DENND10: variants seen among roughly 807,000 people sequenced by gnomAD.
DENND10 encodes the protein DENN domain containing 10.
Under a neutral mutation model 43.6 loss-of-function variants are expected in DENND10, and 24 were observed. That is an observed-to-expected ratio of 0.55 (90% CI 0.40 to 0.77). DENND10 has a LOEUF of 0.77. Ranked by LOEUF, DENND10 falls within the 30% of genes least tolerant of loss-of-function variation. The pLI, the probability that DENND10 is intolerant of heterozygous loss-of-function variation, is 0.00. For synonymous variants in DENND10, 125 were observed against 157.6 expected, an observed-to-expected ratio of 0.79 and a Z score of 1.55; for missense variants, 303 against 429.9, an observed-to-expected ratio of 0.70 and a Z score of 2.61.
At chr10:119,109,341 CG>C (rs1421865411) in intron 2 of DENND10, among the ~76,000 whole-genome samples, 1 of 151,860 alleles carries the variant, frequency 6.6e-6, no homozygotes, top group East Asian at 1.9e-4. Flanking sequence ...AGGATGTAAT[CG>C]TGGACTTTCC....
At position 119,136,559 on chromosome 10, in the gene DENND10, T is replaced by C. The variant is rs1442955935; in HGVS notation, c.986T>C (p.Leu329Ser). The C allele has an allele frequency of 6.3e-6, 10 of 1,588,682 alleles. No homozygotes were observed. In the Middle Eastern group the frequency reaches 5.0e-4, roughly 80 times the overall value. Residue 329 changes from leucine to serine, a missense_variant, in exon 9 of 9, where the codon TTG becomes TCG. Physicochemically the swap from Leu to Ser is moderately radical, Grantham distance 145 (BLOSUM62 -2). Transcript: ENST00000361432. ...SADGEKRVLN[L>S]EALKQKRFPP... is the part of the protein sequence containing the mutation. ...GATGGAGAAAAGAGAGTCCTTAATT[T>C]GGAGGCGCTAAAGCAAAAACGATTT...
At chr10:119,128,765 C>T (rs1195211482) in intron 6 of DENND10, among the ~76,000 whole-genome samples, 2 of 152,086 alleles carry the variant, frequency 1.3e-5, no homozygotes, top group African/African-American at 4.8e-5. Flanking sequence ...GAAGCAGGCA[C>T]GTCTTACATG....
chr10:119,113,690 C>CAAA (rs11447508), intron 3 of DENND10, among the ~76,000 whole-genome samples: 14 of 141,334 alleles, frequency 9.9e-5, no homozygotes, highest in African/African-American at 1.8e-4. Context: ...CCAAAAGAAG[C>CAAA]AAAAAAAAAA....
At position 119,111,941 on chromosome 10, in the gene DENND10, A is replaced by G; in HGVS notation, c.332+13A>G. The G allele has an allele frequency of 6.4e-7, 1 of 1,559,044 alleles. No homozygotes were observed. Among genetic ancestry groups the G allele is most frequent in the Non-Finnish European group, 8.8e-7 (1 of 1,130,942 alleles). ...GGATATTGTGTAGGTCTGTATAAAA[A>G]TTGTATTAAATGCTAATATACAAAA... On this transcript the variant is annotated intron_variant, in intron 3 of 8. Coordinates refer to ENST00000361432, the MANE Select transcript of DENND10 (RefSeq NM_207009.4).
intron 5 of DENND10, among the ~76,000 whole-genome samples, chr10:119,121,870 G>T (rs1845597329): frequency 6.6e-6 from 1 of 152,174 alleles, no homozygotes. Context: ...CTGCAAGGAA[G>T]TATTTTTACC....
At chr10:119,130,634 G>C (rs1846040070) in intron 7 of DENND10, among the ~76,000 whole-genome samples, 1 of 152,198 alleles carries the variant, frequency 6.6e-6, no homozygotes, top group East Asian at 1.9e-4. Flanking sequence ...GGCGGATCAG[G>C]AATGACTTAT....
Position 119,104,133 on chromosome 10 carries a change from G to C in DENND10, c.-10G>C. 1 of 1,507,694 alleles carries C rather than the reference G, an allele frequency of 6.6e-7. No homozygotes were observed. Among genetic ancestry groups the C allele is most frequent in the Admixed American group, 2.3e-5 (1 of 43,862 alleles). 93.4% of individuals were successfully genotyped at this position (1,507,694 alleles called of 1,614,324 possible). On this transcript the variant is annotated 5_prime_UTR_variant, in exon 1 of 9. Transcript: ENST00000361432. ...GCGGCAGCCAGAGCTGCGCGCCGCG[G>C]CGGCGGAAGATGGCTGCGGCCGAGG... is the stretch of plus-strand genomic sequence containing the variant.
At chr10:119,128,665 TCA>T (rs1333034486) in intron 6 of DENND10, among the ~76,000 whole-genome samples, 1 of 151,452 alleles carries the variant, frequency 6.6e-6, no homozygotes. Flanking sequence ...TTGAATTGGC[TCA>T]CAGTTCTGCA....
chr10:119,112,186 C>G (rs1048143267), intron 3 of DENND10, among the ~76,000 whole-genome samples: 1 of 152,040 alleles, frequency 6.6e-6, no homozygotes, highest in Non-Finnish European at 1.5e-5. Flanking sequence ...GAATCACTTC[C>G]TACTTTTGAT....
intron 5 of DENND10, 35 bp downstream of exon 5, chr10:119,120,487 G>A (rs1314397219): frequency 7.5e-7 from 1 of 1,327,588 alleles, no homozygotes; most frequent in Admixed American, 1.7e-5. Flanking sequence ...TGTTAACTTT[G>A]TTGGCAGACA....
chr10:119,127,604 G>A (rs141894996), intron 6 of DENND10, among the ~76,000 whole-genome samples: 10,018 of 151,710 alleles, frequency 0.066, 472 homozygotes, highest in Non-Finnish European at 0.1. Context: ...TCAGCCTCCC[G>A]AGTAACAGGG....
At chr10:119,125,496 G>GCTTTT (rs1564795181) in intron 6 of DENND10, among the ~76,000 whole-genome samples, 2 of 116,232 alleles carry the variant, frequency 1.7e-5, no homozygotes, top group Admixed American at 9.3e-5. Flanking sequence ...TCCACTTCTA[G>GCTTTT]TTTTCTTTTT....
rs1846118534 is a variant in DENND10 at position 119,132,176 on chromosome 10, T to A, written c.803-339T>A. ...AACTGTAAAGAGCTGGACTAGAACG[T>A]CAGACTCTTGGCTTATAGTCATGAC... On this transcript the variant is annotated intron_variant, in intron 7 of 8. Coordinates refer to ENST00000361432, the MANE Select transcript of DENND10 (RefSeq NM_207009.4). The surrounding 1 kb of genome is among the most constrained non-coding windows in gnomAD (Gnocchi z 4.2). 6.6e-6 allele frequency among the ~76,000 whole-genome samples: 1 copy of A among 152,220 alleles called. No individual in the cohort carries two copies. The highest frequency in any genetic ancestry group is 2.4e-5 in the African/African-American group (1 of 41,468).
intron 7 of DENND10, among the ~76,000 whole-genome samples, chr10:119,131,847 G>C (rs1589747520): frequency 6.6e-6 from 1 of 152,198 alleles, no homozygotes; most frequent in Non-Finnish European, 1.5e-5. Flanking sequence ...GGCCACTTAA[G>C]CAGCTGAAGC....
At chr10:119,104,433 C>G (rs1290974981) in intron 1 of DENND10, among the ~76,000 whole-genome samples, 4 of 151,318 alleles carry the variant, frequency 2.6e-5, no homozygotes, top group Non-Finnish European at 4.4e-5. Flanking sequence ...CTGCCCGGCC[C>G]GAGGGAGCCC....
In DENND10 at chr10:119,137,415, G is replaced by A. The variant is rs4752252; in HGVS notation, c.*768G>A. ...AGAAGCCCATTGAATATAAAAGTGT[G>A]TAGGACTGAAACAGTGACCTTATAT... On this transcript the variant is annotated 3_prime_UTR_variant, in exon 9 of 9. Coordinates refer to ENST00000361432, the MANE Select transcript of DENND10 (RefSeq NM_207009.4). 0.55 allele frequency: 88,946 copies of A among 160,698 alleles called. 24,771 individuals are homozygous for A. Among genetic ancestry groups the A allele is most frequent in the South Asian group, 0.67 (3,048 of 4,564 alleles). 10.0% of individuals were successfully genotyped at this position (160,698 alleles called of 1,614,324 possible).
intron 8 of DENND10, chr10:119,134,878 G>C (rs879632278): frequency 1.3e-5 from 2 of 152,058 alleles, no homozygotes; most frequent in Admixed American, 6.6e-5. Context: ...TGAAAGCAGG[G>C]ACTCGGCCAG....
At chr10:119,105,294 C>CTT (rs749653382) in intron 1 of DENND10, 3 of 144,158 alleles carry the variant, frequency 2.1e-5, no homozygotes, top group Non-Finnish European at 4.6e-5. Flanking sequence ...TGTCTTTCTT[C>CTT]TTTTTTTTTT....
At chr10:119,114,290 AG>A (rs1196352942) in intron 3 of DENND10, 3 of 151,256 alleles carry the variant, frequency 2.0e-5, no homozygotes, top group East Asian at 3.9e-4. Flanking sequence ...ACACACACAC[AG>A]GTCTGTGTGT....
Sources: gnomAD v4.1 joint callset for allele counts (sites outside exome capture counted in the v4.1 genomes callset) on GRCh38, gnomAD v4.1.1 for gene constraint, Gnocchi (gnomAD v3.1) non-coding constraint, MANE v1.5 for transcripts, NCBI Gene and HGNC (gene_info 2026-07-23, HGNC 2026-07-21) for gene names.